ZNRF3: variants seen among roughly 807,000 people sequenced by gnomAD.
The protein encoded by ZNRF3 is zinc and ring finger 3, also known as E3 ubiquitin-protein ligase ZNRF3.
ZNRF3 carries 23 observed loss-of-function variants against 72.5 expected under a neutral mutation model. That is an observed-to-expected ratio of 0.32 (90% CI 0.23 to 0.45). ZNRF3 has a LOEUF of 0.45. Among genes scored for constraint, ZNRF3 ranks in the 20% least tolerant of loss-of-function variants. The pLI, the probability that ZNRF3 is intolerant of heterozygous loss-of-function variation, is 1.00. For synonymous variants in ZNRF3, 610 were observed against 545.3 expected (o/e 1.12, Z -1.65); for missense variants, 1,169 against 1,272.1 (o/e 0.92, Z 1.23).
intron 1 of ZNRF3, among the ~76,000 whole-genome samples, chr22:28,937,150 G>A (rs796355873): frequency 3.6e-5 from 5 of 140,672 alleles, no homozygotes; most frequent in African/African-American, 8.7e-5. Flanking sequence ...ACAGTAATCC[G>A]CTGCCAACCT....
chr22:28,907,561 G>C (rs2034234695), intron 1 of ZNRF3, among the ~76,000 whole-genome samples: 1 of 152,166 alleles, frequency 6.6e-6, no homozygotes, highest in African/African-American at 2.4e-5. Context: ...GTTCCATGGG[G>C]ATTTGTTGAT....
intron 1 of ZNRF3, among the ~76,000 whole-genome samples, chr22:28,901,601 A>G (rs2034104500): frequency 6.8e-6 from 1 of 147,832 alleles, no homozygotes; most frequent in Non-Finnish European, 1.5e-5. Context: ...GGAGTCCTCA[A>G]ATTTTGGGGG....
intron 1 of ZNRF3, among the ~76,000 whole-genome samples, chr22:28,939,295 A>C (rs1477836818): frequency 2.6e-5 from 4 of 151,802 alleles, no homozygotes; most frequent in African/African-American, 9.7e-5. Context: ...AAAAAAAAAA[A>C]AAAACAAAAC....
At chr22:28,976,204 A>G (rs1315797297) in intron 1 of ZNRF3, among the ~76,000 whole-genome samples, 1 of 152,132 alleles carries the variant, frequency 6.6e-6, no homozygotes, top group East Asian at 1.9e-4. Flanking sequence ...GCATTGAGCG[A>G]AGATCATGCC....
At chr22:28,948,412 C>T (rs1050996525) in intron 1 of ZNRF3, among the ~76,000 whole-genome samples, 1 of 152,216 alleles carries the variant, frequency 6.6e-6, no homozygotes, top group African/African-American at 2.4e-5. Flanking sequence ...GTGATCCTCC[C>T]ACCTTGGCCT....
Position 28,921,869 on chromosome 22 carries a change from G to T in ZNRF3, c.300+37803G>T, listed in dbSNP as rs141685996. On this transcript the variant is annotated intron_variant, in intron 1 of 8. Transcript: ENST00000544604. ...AAAAGGAATAAAATGATTAACTAGA[G>T]AGATTTTTAATAGGATCTGTGCTAC... is the stretch of plus-strand genomic sequence containing the variant. Among the ~76,000 whole-genome samples, 70 of 152,278 alleles carry T rather than the reference G, an allele frequency of 4.6e-4. 1 individual carries two copies. The East Asian group carries it at 0.013, about 29-fold the overall frequency.
At chr22:28,886,968 A>G (rs2033799750) in intron 1 of ZNRF3, among the ~76,000 whole-genome samples, 1 of 152,142 alleles carries the variant, frequency 6.6e-6, no homozygotes, top group Non-Finnish European at 1.5e-5. Context: ...AAACAAACAA[A>G]CAAACAAAAA....
At position 29,057,388 on chromosome 22, in the gene ZNRF3, G is replaced by A. The variant is rs2123895313; in HGVS notation, c.*3766G>A. 1 of 152,120 alleles carries A rather than the reference G, an allele frequency of 6.6e-6. No homozygotes were observed. Among genetic ancestry groups the A allele is most frequent in the East Asian group, 1.9e-4 (1 of 5,184 alleles). 9.4% of individuals were successfully genotyped at this position (152,120 alleles called of 1,614,324 possible). Reference sequence around the variant, plus strand: ...TGCACACAGATTTTACATATTTGCAGACCAAAAATGATTTAAAACAAGTTG... The same window carrying A: ...TGCACACAGATTTTACATATTTGCAAACCAAAAATGATTTAAAACAAGTTG... On this transcript the variant is annotated 3_prime_UTR_variant, in exon 9 of 9. Transcript: ENST00000544604.
chr22:28,963,889 G>A (rs1265312960), intron 1 of ZNRF3, among the ~76,000 whole-genome samples: 1 of 152,160 alleles, frequency 6.6e-6, no homozygotes, highest in East Asian at 1.9e-4. Context: ...CAGCAACAGG[G>A]CACCTTGAAA....
chr22:28,928,080 T>G (rs1489331329), intron 1 of ZNRF3, among the ~76,000 whole-genome samples: 1 of 152,222 alleles, frequency 6.6e-6, no homozygotes. Context: ...TGGTACAGTT[T>G]AGAGCCAGTG....
chr22:28,953,712 C>T (rs1477926110), intron 1 of ZNRF3, among the ~76,000 whole-genome samples: 2 of 152,202 alleles, frequency 1.3e-5, no homozygotes, highest in African/African-American at 4.8e-5. Context: ...ATTAATCAGA[C>T]ACTTTACAAA....
chr22:28,938,397 T>C (rs988760748), intron 1 of ZNRF3, among the ~76,000 whole-genome samples: 1 of 152,200 alleles, frequency 6.6e-6, no homozygotes, highest in Admixed American at 6.6e-5. Context: ...TATCTTAAAG[T>C]GGAGGTTAGA....
intron 1 of ZNRF3, among the ~76,000 whole-genome samples, chr22:28,925,996 A>G (rs2034593695): frequency 6.6e-6 from 1 of 152,088 alleles, no homozygotes. Context: ...AGCCCTAGAG[A>G]TCTTGCGTCT....
chr22:28,931,937 G>C (rs963451573), intron 1 of ZNRF3, among the ~76,000 whole-genome samples: 4 of 152,356 alleles, frequency 2.6e-5, no homozygotes, highest in African/African-American at 9.6e-5. Context: ...CCTATGGACA[G>C]AGAAGGCAGA....
chr22:29,030,780 G>A lies in ZNRF3; in HGVS notation c.427-11715G>A, dbSNP rs1227759733. Among the ~76,000 whole-genome samples, 1 of 152,100 alleles carries A rather than the reference G, an allele frequency of 6.6e-6. No individual in the cohort carries two copies. The highest frequency in any genetic ancestry group is 1.5e-5 in the Non-Finnish European group (1 of 68,012). The stretch of plus-strand genomic sequence containing the variant: ...GGACCCTGCAGGGCGGTACACGACG[G>A]GTGGGAGTGGGGAGGAGGAGGGCTC... On this transcript the variant is annotated intron_variant, in intron 2 of 8. Transcript: ENST00000544604. The surrounding 1 kb of genome is among the most constrained non-coding windows in gnomAD (Gnocchi z 4.2).
At chr22:28,986,721 C>A in intron 1 of ZNRF3, 1 of 859,868 alleles carries the variant, frequency 1.2e-6, no homozygotes, top group African/African-American at 1.8e-5. Flanking sequence ...TCTGTAATTG[C>A]TACTTAGTGT....
chr22:29,023,313 C>T (rs942633435), intron 2 of ZNRF3, among the ~76,000 whole-genome samples: 1 of 152,172 alleles, frequency 6.6e-6, no homozygotes, highest in Non-Finnish European at 1.5e-5. Context: ...CACCCTCCCC[C>T]GCTGCCAGCA....
chr22:29,053,502 G>T, intron 8 of ZNRF3, 77 bp from the exon 9 acceptor site: 1 of 1,459,862 alleles, frequency 6.8e-7, no homozygotes, highest in East Asian at 2.3e-5. Flanking sequence ...CTGGGGACAG[G>T]GCCACCTGAG....
At chr22:28,942,105 C>T (rs1323261931) in intron 1 of ZNRF3, among the ~76,000 whole-genome samples, 1 of 152,224 alleles carries the variant, frequency 6.6e-6, no homozygotes, top group Non-Finnish European at 1.5e-5. Context: ...CAGTTTCAGG[C>T]CTGAAGCCAA....
Sources: allele counts gnomAD v4.1 joint callset (sites outside exome capture counted in the v4.1 genomes callset), GRCh38; gene constraint gnomAD v4.1.1; non-coding constraint Gnocchi (gnomAD v3.1); transcripts MANE v1.5; gene names NCBI Gene and HGNC (gene_info 2026-07-23, HGNC 2026-07-21).